The following ESRRG variants were observed in gnomAD, a reference collection of about 807,000 sequenced individuals.
The protein encoded by ESRRG is estrogen-related receptor gamma.
A neutral mutation model predicts 44.0 loss-of-function variants in ESRRG; 13 were observed. The observed-to-expected ratio is 0.30, with a 90% CI of 0.19 to 0.47. ESRRG has a LOEUF of 0.47. Among genes scored for constraint, ESRRG ranks in the 20% least tolerant of loss-of-function variants. The pLI is 1.00. For missense variants in ESRRG, 395 were observed against 580.6 expected (o/e 0.68, Z 3.29); for synonymous variants, 215 against 214.6 (o/e 1.00, Z -0.02).
At chr1:216,568,867 CAACATG>C (rs2060161234) in intron 3 of ESRRG, among the ~76,000 whole-genome samples, 1 of 151,968 alleles carries the variant, frequency 6.6e-6, no homozygotes, top group Non-Finnish European at 1.5e-5. Flanking sequence ...CCAGACCAAC[CAACATG>C]AAGAAACCCT....
In ESRRG at chr1:216,650,055, T is replaced by C. The variant is rs559097114; in HGVS notation, c.589+918A>G. ...GTTACACATTTAAATATTTAATGAA[T>C]CTAATTTTCTGTCAAACATTAATTA... is the stretch of plus-strand genomic sequence containing the variant. On this transcript the variant is annotated intron_variant, in intron 3 of 6. Transcript: ENST00000408911. Among the ~76,000 whole-genome samples the C allele has an allele frequency of 3.7e-4, 57 of 152,328 alleles. 1 individual carries two copies. In the South Asian group the frequency reaches 0.011, roughly 29 times the overall value.
intron 2 of ESRRG, among the ~76,000 whole-genome samples, chr1:216,931,835 C>CA (rs56050369): frequency 0.025 from 3,278 of 130,902 alleles, 77 homozygotes; most frequent in African/African-American, 0.063. Context: ...TGAGAAACCA[C>CA]AAAAAAAAAA....
intron 1 of ESRRG, among the ~76,000 whole-genome samples, chr1:217,133,850 G>A (rs1423986517): frequency 6.6e-6 from 1 of 151,942 alleles, no homozygotes; most frequent in Non-Finnish European, 1.5e-5. Context: ...ATTTACAGTT[G>A]GGGAATGGGG....
intron 2 of ESRRG, among the ~76,000 whole-genome samples, chr1:216,733,701 C>T (rs1356036422): frequency 6.6e-6 from 1 of 151,972 alleles, no homozygotes; most frequent in African/African-American, 2.4e-5. Flanking sequence ...GTAGATAAAA[C>T]ACTCTCAGTC....
At chr1:216,776,963 A>G (rs541720358) in intron 2 of ESRRG, among the ~76,000 whole-genome samples, 1 of 152,232 alleles carries the variant, frequency 6.6e-6, no homozygotes, top group South Asian at 2.1e-4. Flanking sequence ...GGGCATCTCT[A>G]GGCATTTTTA....
intron 2 of ESRRG, among the ~76,000 whole-genome samples, chr1:216,770,083 T>C (rs1398022103): frequency 1.3e-5 from 2 of 151,810 alleles, no homozygotes; most frequent in Admixed American, 1.3e-4. Context: ...GAAAGATAGA[T>C]AGAAAATACC....
chr1:216,545,859 C>T (rs1226551605), intron 5 of ESRRG, among the ~76,000 whole-genome samples: 2 of 151,978 alleles, frequency 1.3e-5, no homozygotes, highest in Non-Finnish European at 2.9e-5. Context: ...AAATGTACTG[C>T]TCGGTCACAG....
rs1256103615 is a variant in ESRRG, at chr1:216,699,181, G to GTGAT, written c.57-21694_57-21691dup. Reference sequence around the variant, plus strand: ...AATAATGATAGCCAAATGATGGTGTGTGATTGGTTGATTGTACTGAGTACA... The same window carrying GTGAT: ...AATAATGATAGCCAAATGATGGTGTGTGATTGATTGGTTGATTGTACTGAGTACA... On this transcript the variant is annotated intron_variant, in intron 1 of 6. Coordinates refer to ENST00000408911, the MANE Select transcript of ESRRG (RefSeq NM_001438.4). 7.2e-5 allele frequency among the ~76,000 whole-genome samples: 11 copies of GTGAT among 152,328 alleles called. No individual in the cohort carries two copies. In the South Asian group the frequency reaches 2.1e-3, roughly 29 times the overall value.
intron 1 of ESRRG, among the ~76,000 whole-genome samples, chr1:217,001,021 T>A (rs1226270376): frequency 2.0e-5 from 3 of 152,202 alleles, no homozygotes; most frequent in Non-Finnish European, 4.4e-5. Context: ...TGATATAAGA[T>A]CATAAGCTAA....
intron 2 of ESRRG, among the ~76,000 whole-genome samples, chr1:216,893,896 T>A (rs542715199): frequency 6.6e-6 from 1 of 152,264 alleles, no homozygotes; most frequent in East Asian, 1.9e-4. Context: ...ACTACAGGAA[T>A]CAAAACTAAT....
intron 2 of ESRRG, among the ~76,000 whole-genome samples, chr1:216,810,750 T>C (rs1263215349): frequency 6.7e-6 from 1 of 148,242 alleles, no homozygotes; most frequent in African/African-American, 2.5e-5. Flanking sequence ...TATATAACTC[T>C]ATGATATATA....
intron 2 of ESRRG, among the ~76,000 whole-genome samples, chr1:216,915,504 T>C (rs968820378): frequency 1.3e-5 from 2 of 152,262 alleles, no homozygotes; most frequent in South Asian, 2.1e-4. Context: ...TTCAACACTT[T>C]GAACACAACA....
At chr1:216,988,231 CCATATATGGCCAACAG>C (rs2075172638) in intron 1 of ESRRG, among the ~76,000 whole-genome samples, 1 of 152,128 alleles carries the variant, frequency 6.6e-6, no homozygotes, top group South Asian at 2.1e-4. Flanking sequence ...AGTCCAGAAG[CCATATATGGCCAACAG>C]CATGATTGCT....
chr1:216,555,907 A>G (rs1434303241), intron 5 of ESRRG, among the ~76,000 whole-genome samples: 2 of 152,034 alleles, frequency 1.3e-5, no homozygotes, highest in African/African-American at 4.8e-5. Flanking sequence ...ATAAAGGGGG[A>G]CGCAGGGGAA....
chr1:216,615,003 G>A (rs1244316100), intron 3 of ESRRG, among the ~76,000 whole-genome samples: 2 of 152,142 alleles, frequency 1.3e-5, no homozygotes, highest in Non-Finnish European at 2.9e-5. Context: ...TATTCTAGGC[G>A]GCTTGGTCAT....
intron 2 of ESRRG, among the ~76,000 whole-genome samples, chr1:216,751,923 T>A (rs2092051082): frequency 1.3e-5 from 2 of 152,126 alleles, no homozygotes; most frequent in African/African-American, 4.8e-5. Context: ...GGCTACTTCA[T>A]AAATTACAAA....
rs190104538 is a variant in ESRRG, at chr1:216,808,369, C to G, written c.-13-130878G>C. Among the ~76,000 whole-genome samples the G allele has an allele frequency of 2.6e-5, 4 of 152,182 alleles. No individual in the cohort carries two copies. In the East Asian group the frequency reaches 7.7e-4, roughly 29 times the overall value. ...TGGCTGAATAAAAGTCCTGTCTGAA[C>G]GAGAGTCTTGGGTAAGTCTCAATGA... On this transcript the variant is annotated intron_variant, in intron 2 of 7. Transcript: ENST00000359162.
chr1:216,556,498 T>C (rs1191202633), intron 5 of ESRRG, among the ~76,000 whole-genome samples: 6 of 152,172 alleles, frequency 3.9e-5, no homozygotes, highest in Non-Finnish European at 8.8e-5. Flanking sequence ...TTTCTGTGTG[T>C]AAAATAATTC....
chr1:216,739,000 C>T (rs1017906079), intron 2 of ESRRG, among the ~76,000 whole-genome samples: 3 of 152,104 alleles, frequency 2.0e-5, no homozygotes, highest in African/African-American at 7.2e-5. Flanking sequence ...ACAGGTATGT[C>T]CCACTGCAAC....
Sources: allele counts gnomAD v4.1 joint callset (sites outside exome capture counted in the v4.1 genomes callset), GRCh38; gene constraint gnomAD v4.1.1; transcripts MANE v1.5; gene names NCBI Gene and HGNC (gene_info 2026-07-23, HGNC 2026-07-21).